Variants in PRORP observed in about 807,000 individuals in gnomAD.
PRORP encodes protein only RNase P catalytic subunit, also known as mitochondrial ribonuclease P catalytic subunit.
PRORP carries 51 observed loss-of-function variants against 59.4 expected under a neutral mutation model. That is an observed-to-expected ratio of 0.86 (90% CI 0.69 to 1.08). The LOEUF is 1.08. PRORP is among the 50% of genes least tolerant of loss of function. The pLI is 0.00. For synonymous variants in PRORP, 231 were observed against 245.6 expected (o/e 0.94, Z 0.55); for missense variants, 646 against 690.3 (o/e 0.94, Z 0.72).
intron 5 of PRORP, among the ~76,000 whole-genome samples, chr14:35,228,245 G>T (rs1595347596): frequency 6.6e-6 from 1 of 152,134 alleles, no homozygotes; most frequent in South Asian, 2.1e-4. Flanking sequence ...GCCTTCCCTT[G>T]TGTGTGAAAA....
intron 5 of PRORP, among the ~76,000 whole-genome samples, chr14:35,206,152 TG>T (rs1016624162): frequency 6.6e-6 from 1 of 152,244 alleles, no homozygotes; most frequent in Non-Finnish European, 1.5e-5. Context: ...TTTTAGTCTG[TG>T]TTTTTGCACC....
intron 5 of PRORP, chr14:35,235,498 A>T: frequency 1.6e-6 from 1 of 614,598 alleles, no homozygotes. Context: ...GATCCACTTC[A>T]TGTGCAGTCA....
chr14:35,266,725 A>G lies in PRORP; in HGVS notation c.1276-2A>G, dbSNP rs779544324. 4 of 1,612,468 alleles carry G rather than the reference A, an allele frequency of 2.5e-6. No homozygotes were observed. The highest frequency in any genetic ancestry group is 8.5e-7 in the Non-Finnish European group (1 of 1,179,482). On this transcript the variant is annotated splice_acceptor_variant, in intron 5 of 7. Coordinates refer to ENST00000534898, the MANE Select transcript of PRORP (RefSeq NM_014672.4). LOFTEE classifies it high-confidence loss of function. ...TTGTGGTTCTGGCTTTGTGTTTTTT[A>G]GCTCTTGAATGTCGTCTCTCAACTA...
intron 5 of PRORP, among the ~76,000 whole-genome samples, chr14:35,200,317 G>A (rs534220353): frequency 9.9e-5 from 15 of 152,026 alleles, no homozygotes; most frequent in African/African-American, 2.9e-4. Context: ...TCAGCCTCCC[G>A]AGTAGCTGGC....
intron 4 of PRORP, among the ~76,000 whole-genome samples, chr14:35,180,333 G>A (rs776710978): frequency 2.8e-4 from 42 of 152,158 alleles, no homozygotes; most frequent in African/African-American, 9.9e-4. Flanking sequence ...TCTTGGAACC[G>A]CCAGTTCATT....
chr14:35,165,880 A>G (rs894303025), intron 4 of PRORP, among the ~76,000 whole-genome samples: 14 of 152,232 alleles, frequency 9.2e-5, no homozygotes, highest in Admixed American at 4.6e-4. Context: ...AGGTTTCACC[A>G]TGTTGGCCAG....
chr14:35,256,903 C>T (rs1334800070), intron 5 of PRORP, among the ~76,000 whole-genome samples: 5 of 147,542 alleles, frequency 3.4e-5, no homozygotes, highest in East Asian at 2.0e-4. Flanking sequence ...GACCGAGTCT[C>T]GCTCTGTTGC....
Position 35,123,493 on chromosome 14 carries a change from A to C in PRORP, c.248A>C (p.His83Pro). The C allele has an allele frequency of 6.3e-7, 1 of 1,598,366 alleles. No individual in the cohort carries two copies. The change falls in exon 2 of 8, where the codon CAT becomes CCT. Residue 83 changes from histidine (H) to proline (P), a missense_variant. Transcript: ENST00000534898. ...AATAAGCAAGTTTATTCTGTTCCTC[A>C]TTTTTTTTTAGCTGGAGCAGCTAAG... ...GSNKQVYSVPHFFLAGAAKER... is the reference protein window; with the variant it reads ...GSNKQVYSVPPFFLAGAAKER...
intron 4 of PRORP, among the ~76,000 whole-genome samples, chr14:35,132,928 TTTTG>T (rs2047285215): frequency 6.6e-6 from 1 of 152,086 alleles, no homozygotes; most frequent in African/African-American, 2.4e-5. Flanking sequence ...TTTTGTTTTG[TTTTG>T]TTTTTTTGAG....
chr14:35,175,657 TAGATA>T, intron 4 of PRORP, among the ~76,000 whole-genome samples: 1 of 151,794 alleles, frequency 6.6e-6, no homozygotes, highest in African/African-American at 2.4e-5. Flanking sequence ...GTCAGATGAG[TAGATA>T]GCAAAAATTT....
intron 3 of PRORP, 74 bp from the exon 4 acceptor site, chr14:35,127,405 C>G (rs2047124646): frequency 5.5e-6 from 6 of 1,095,002 alleles, no homozygotes; most frequent in Non-Finnish European, 6.2e-6. Flanking sequence ...CCTCATTGTT[C>G]ATTTCACAAA....
intron 5 of PRORP, among the ~76,000 whole-genome samples, chr14:35,236,751 C>G (rs7152801): frequency 1.8e-4 from 27 of 152,132 alleles, no homozygotes; most frequent in African/African-American, 6.5e-4. Flanking sequence ...CTCTGATGTT[C>G]TATCTCTGCA....
In PRORP at chr14:35,270,422, T is replaced by C. The variant is rs1476704815; in HGVS notation, c.1446T>C (p.Leu482=). ...ADDISEDDPF[L]LYATLHSGNH... ...TCAGCTCGGAGGATGATCCATTCCTTCTGTATGCCACACTGCACTCCGGGA... is the reference window on the plus strand; with the variant it reads ...TCAGCTCGGAGGATGATCCATTCCTCCTGTATGCCACACTGCACTCCGGGA... Residue 482 remains leucine, a synonymous_variant, in exon 7 of 8, where the codon CTT becomes CTC. Transcript: ENST00000534898. 1 of 1,613,942 alleles carries C rather than the reference T, an allele frequency of 6.2e-7. No homozygotes were observed. Among genetic ancestry groups the C allele is most frequent in the Admixed American group, 1.7e-5 (1 of 60,026 alleles).
chr14:35,170,826 ATTTC>A (rs1256039423), intron 4 of PRORP, among the ~76,000 whole-genome samples: 4 of 150,516 alleles, frequency 2.7e-5, no homozygotes, highest in Admixed American at 2.6e-4. Context: ...TTGCTTTAGC[ATTTC>A]TTTCTTTCTT....
intron 5 of PRORP, among the ~76,000 whole-genome samples, chr14:35,216,121 T>C (rs961429783): frequency 2.0e-5 from 3 of 147,792 alleles, no homozygotes; most frequent in African/African-American, 7.4e-5. Flanking sequence ...TATATTTATA[T>C]ATAATATATA....
intron 5 of PRORP, among the ~76,000 whole-genome samples, chr14:35,216,313 G>T (rs10151121): frequency 0.74 from 109,679 of 148,808 alleles, 40,513 homozygotes; most frequent in East Asian, 0.81. Context: ...GGTTTTTTTT[G>T]TTGTTGTTGT....
chr14:35,223,670 A>G (rs2049857038), intron 5 of PRORP, among the ~76,000 whole-genome samples: 1 of 152,066 alleles, frequency 6.6e-6, no homozygotes, highest in Admixed American at 6.5e-5. Flanking sequence ...TGTGTTAGCC[A>G]GGATGGTCTT....
At chr14:35,124,271 A>ATTTTT in intron 2 of PRORP, 40 bp downstream of exon 2, 4 of 1,140,276 alleles carry the variant, frequency 3.5e-6, no homozygotes, top group Non-Finnish European at 4.7e-6. Context: ...TTATTCTTTA[A>ATTTTT]TTTTTTTTTT....
intron 4 of PRORP, among the ~76,000 whole-genome samples, chr14:35,167,247 G>A (rs1434938695): frequency 6.6e-6 from 1 of 152,206 alleles, no homozygotes; most frequent in Non-Finnish European, 1.5e-5. Flanking sequence ...GAGTGGTAAA[G>A]TAAACTTGCT....
Sources: allele counts gnomAD v4.1 joint callset (sites outside exome capture counted in the v4.1 genomes callset), GRCh38; gene constraint gnomAD v4.1.1; transcripts MANE v1.5; gene names NCBI Gene and HGNC (gene_info 2026-07-23, HGNC 2026-07-21).